The following ATAD5 variants were observed in gnomAD, a reference collection of about 807,000 sequenced individuals.
The protein encoded by ATAD5 is ATPase family AAA domain containing 5, also known as ATPase family AAA domain-containing protein 5.
ATAD5 carries 58 observed loss-of-function variants against 176.9 expected under a neutral mutation model. The ratio of observed to expected loss-of-function variants is 0.33; its 90% confidence interval spans 0.27 to 0.41. The LOEUF (loss-of-function observed/expected upper bound fraction) is 0.41, where lower values mean the gene tolerates loss of function less well. ATAD5 is among the 10% of genes least tolerant of loss of function. The probability of loss-of-function intolerance (pLI) is 1.00; values close to 1 mark genes in which losing one functional copy is unlikely to be tolerated. For missense variants in ATAD5, 1,789 were observed against 2,094.1 expected (o/e 0.85, Z 2.84); for synonymous variants, 640 against 712.6 (o/e 0.90, Z 1.62).
At position 30,835,595 on chromosome 17, in the gene ATAD5, C is replaced by G. The variant is rs747738593; in HGVS notation, c.1514C>G (p.Thr505Arg). 2.5e-6 allele frequency: 4 copies of G among 1,611,552 alleles called. No homozygotes were observed. The East Asian group carries it at 8.9e-5, about 36-fold the overall frequency. ...GAGGGAAACACTCAAAAGAAAGAAA[C>G]AACCTTTTTCTTAAAAGAGAAACAA... The part of the protein sequence containing the change: ...NREGNTQKKE[T>R]TFFLKEKQYQ... Residue 505 changes from threonine to arginine, a missense_variant, in exon 2 of 23, where the codon ACA becomes AGA. Physicochemically the swap from Thr to Arg is moderately conservative, Grantham distance 71. Around this residue, in one of 6 missense-constraint regions of ATAD5, gnomAD observed 696 missense variants for 712.5 expected, o/e 0.98. Coordinates refer to ENST00000321990, the MANE Select transcript of ATAD5 (RefSeq NM_024857.5).
chr17:30,870,556 A>G (rs1415556219), intron 14 of ATAD5, among the ~76,000 whole-genome samples: 1 of 152,174 alleles, frequency 6.6e-6, no homozygotes. Flanking sequence ...TAATTTTATA[A>G]TTCTCTTTTT....
At chr17:30,881,444 C>T (rs1265648716) in intron 18 of ATAD5, among the ~76,000 whole-genome samples, 2 of 152,108 alleles carry the variant, frequency 1.3e-5, no homozygotes, top group Non-Finnish European at 1.5e-5. Flanking sequence ...GGATTGGAGA[C>T]GCACACCACC....
At chr17:30,880,788 T>G (rs1355087477) in intron 18 of ATAD5, among the ~76,000 whole-genome samples, 1 of 152,124 alleles carries the variant, frequency 6.6e-6, no homozygotes, top group Non-Finnish European at 1.5e-5. Context: ...TTTTGCCTAG[T>G]AAAAGTGCTT....
intron 20 of ATAD5, among the ~76,000 whole-genome samples, 183 bp from the exon 21 acceptor site, chr17:30,893,111 G>A (rs556506284): frequency 2.6e-5 from 4 of 151,846 alleles, no homozygotes; most frequent in African/African-American, 4.8e-5. Flanking sequence ...CAAATTAATC[G>A]TCTAAATTTA....
At chr17:30,844,966 T>G (rs770140482) in intron 6 of ATAD5, 50 bp downstream of exon 6, 37 of 1,425,258 alleles carry the variant, frequency 2.6e-5, no homozygotes, top group Non-Finnish European at 3.5e-5. Flanking sequence ...TAGAATGTAT[T>G]TGTATTGATG....
chr17:30,877,911 A>G lies in ATAD5; in HGVS notation c.3919-92A>G. 3.4e-6 allele frequency: 3 copies of G among 893,358 alleles called. No individual in the cohort carries two copies. The South Asian group carries it at 5.8e-5, about 17-fold the overall frequency. 55.3% of individuals were successfully genotyped at this position (893,358 alleles called of 1,614,324 possible). On this transcript the variant is annotated intron_variant, in intron 16 of 22. Transcript: ENST00000321990. ...GAATTCACACTTCATAAATTCATAA[A>G]TTTTGTCTCTAACAGACATAGAATA...
intron 1 of ATAD5, 48 bp from the exon 2 acceptor site, chr17:30,834,100 G>A (rs971947565): frequency 1.4e-6 from 2 of 1,397,692 alleles, no homozygotes; most frequent in Non-Finnish European, 1.9e-6. Flanking sequence ...TTTATATTTT[G>A]TATTATATTG....
At chr17:30,888,534 ACT>A (rs1857524411) in intron 19 of ATAD5, among the ~76,000 whole-genome samples, 1 of 151,972 alleles carries the variant, frequency 6.6e-6, no homozygotes, top group Admixed American at 6.6e-5. Flanking sequence ...ACAGAGTGAG[ACT>A]CTGACTAAAA....
intron 18 of ATAD5, among the ~76,000 whole-genome samples, chr17:30,886,206 T>C (rs1376541985): frequency 2.0e-5 from 3 of 151,430 alleles, no homozygotes; most frequent in African/African-American, 4.8e-5. Flanking sequence ...TTGTTAGCTT[T>C]AAGTATTAAG....
intron 19 of ATAD5, among the ~76,000 whole-genome samples, chr17:30,889,822 G>GT (rs761964765): frequency 8.1e-4 from 116 of 143,340 alleles, no homozygotes; most frequent in Admixed American, 4.3e-3. Flanking sequence ...ATCCTTATCA[G>GT]TTTTTTCTTC....
At chr17:30,891,771 C>T (rs866266528) in intron 19 of ATAD5, among the ~76,000 whole-genome samples, 2 of 151,810 alleles carry the variant, frequency 1.3e-5, no homozygotes, top group East Asian at 2.0e-4. Context: ...CTGCAACCTC[C>T]GCCTCCCAGG....
At position 30,895,818 on chromosome 17, in the gene ATAD5, T is replaced by C. The variant is rs534124616; in HGVS notation, c.*905T>C. On this transcript the variant is annotated 3_prime_UTR_variant, in exon 23 of 23. Coordinates refer to ENST00000321990, the MANE Select transcript of ATAD5 (RefSeq NM_024857.5). ...TTACTTTTTCTTGTATTAATTAGTA[T>C]ATTGATCTAATTAAAGGTTAAAGCT... 1.7e-4 allele frequency: 26 copies of C among 152,296 alleles called. No individual in the cohort carries two copies. The highest frequency in any genetic ancestry group is 6.3e-4 in the African/African-American group (26 of 41,572). The allele number at this position is 152,296 out of a possible 1,614,324, so 9.4% of individuals were successfully genotyped here. A position where few individuals can be genotyped will look rare whatever the true frequency, so the allele number is the denominator to read the frequency against.
rs148065409 is a variant in ATAD5, at chr17:30,835,850, C to T, written c.1769C>T (p.Thr590Met). 1.0e-4 allele frequency: 167 copies of T among 1,613,756 alleles called. No homozygotes were observed. The highest frequency in any genetic ancestry group is 5.4e-4 in the South Asian group (49 of 91,018). ...ESEASLLNVS[T>M]PKSTRRSGRI... Reference sequence around the variant, plus strand: ...GAAGCCAGCTTGCTAAATGTTTCCACGCCCAAGTCAACTAGAAGATCTGGA... The same window carrying T: ...GAAGCCAGCTTGCTAAATGTTTCCATGCCCAAGTCAACTAGAAGATCTGGA... Residue 590 changes from threonine to methionine, a missense_variant, in exon 2 of 23, where the codon ACG becomes ATG. Physicochemically the swap from Thr to Met is moderately conservative, Grantham distance 81. Transcript: ENST00000321990.
chr17:30,872,303 T>C (rs1908381142), intron 14 of ATAD5, among the ~76,000 whole-genome samples: 1 of 152,120 alleles, frequency 6.6e-6, no homozygotes, highest in Non-Finnish European at 1.5e-5. Context: ...AGGCAAAACC[T>C]TTCTGAGTGC....
At position 30,834,918 on chromosome 17, in the gene ATAD5, G is replaced by A. The variant is rs776614311; in HGVS notation, c.837G>A (p.Val279=). 1.2e-6 allele frequency: 2 copies of A among 1,613,382 alleles called. No homozygotes were observed. Among genetic ancestry groups the A allele is most frequent in the Non-Finnish European group, 1.7e-6 (2 of 1,179,832 alleles). The part of the protein sequence containing the change: ...EFLKSHKENK[V]EEIPDSTMSI... Reference sequence around the variant, plus strand: ...TAAAAAGTCACAAGGAAAATAAAGTGGAAGAGATACCAGACTCTACAATGT... The same window carrying A: ...TAAAAAGTCACAAGGAAAATAAAGTAGAAGAGATACCAGACTCTACAATGT... Residue 279 remains valine (V), a synonymous_variant, in exon 2 of 23, where the codon GTG becomes GTA. Transcript: ENST00000321990.
At chr17:30,846,110 GT>G in intron 6 of ATAD5, among the ~76,000 whole-genome samples, 1 of 152,088 alleles carries the variant, frequency 6.6e-6, no homozygotes, top group Non-Finnish European at 1.5e-5. Context: ...GCTCAGAAAG[GT>G]TTTGTGTGCT....
intron 6 of ATAD5, among the ~76,000 whole-genome samples, chr17:30,850,833 TTATATATATATATA>T (rs1312470807): frequency 7.9e-4 from 22 of 27,838 alleles, no homozygotes; most frequent in East Asian, 6.9e-3. Flanking sequence ...TTATATATTT[TTATATATATATATA>T]TATATATATA....
chr17:30,844,103 G>T (rs1906314427), intron 5 of ATAD5, 64 bp downstream of exon 5: 1 of 1,253,330 alleles, frequency 8.0e-7, no homozygotes, highest in East Asian at 2.8e-5. Context: ...GTTTTGTTTT[G>T]TTTTTGTGTT....
intron 6 of ATAD5, among the ~76,000 whole-genome samples, chr17:30,849,205 T>C (rs533834773): frequency 1.2e-3 from 185 of 152,312 alleles, no homozygotes; most frequent in African/African-American, 4.2e-3. Flanking sequence ...TGTATGGATA[T>C]ACCACTTTTT....
Sources: gnomAD v4.1 joint callset for allele counts (sites outside exome capture counted in the v4.1 genomes callset) on GRCh38, gnomAD v4.1.1 for gene constraint, gnomAD v4.1.1 regional missense constraint, MANE v1.5 for transcripts, NCBI Gene and HGNC (gene_info 2026-07-23, HGNC 2026-07-21) for gene names.